Variants in DSP observed in about 807,000 individuals in gnomAD.
DSP encodes the protein desmoplakin.
Under a neutral mutation model 290.6 loss-of-function variants are expected in DSP, and 114 were observed. The observed-to-expected ratio is 0.39, with a 90% CI of 0.34 to 0.46. The LOEUF (loss-of-function observed/expected upper bound fraction) is 0.46, where lower values mean the gene tolerates loss of function less well. Among genes scored for constraint, DSP ranks in the 20% least tolerant of loss-of-function variants. The probability of loss-of-function intolerance (pLI) is 0.99; values close to 1 mark genes in which losing one functional copy is unlikely to be tolerated. For synonymous variants in DSP, 1,311 were observed against 1,316.4 expected (o/e 1.00, Z 0.09); for missense variants, 3,230 against 3,495.8 (o/e 0.92, Z 1.92).
intron 11 of DSP, 147 bp from the exon 12 acceptor site, chr6:7,569,039 G>A: frequency 9.8e-7 from 1 of 1,018,346 alleles, no homozygotes; most frequent in Non-Finnish European, 1.5e-6. Context: ...GTATTGTTGG[G>A]TTGTATGATG....
chr6:7,545,588 A>AG (rs1491527389), intron 1 of DSP, among the ~76,000 whole-genome samples: 1 of 152,196 alleles, frequency 6.6e-6, no homozygotes, highest in African/African-American at 2.4e-5. Flanking sequence ...GTTAAGTGTC[A>AG]GGGGAGATCA....
chr6:7,550,469 A>T (rs962668108), intron 1 of DSP, among the ~76,000 whole-genome samples: 3 of 152,172 alleles, frequency 2.0e-5, no homozygotes, highest in African/African-American at 7.2e-5. Context: ...AAGGTAGTAA[A>T]ATAAAACCTT....
Position 7,565,663 on chromosome 6 carries a change from T to G in DSP, c.939+143T>G. ...TCTTTGAAATGGTCGTGAAAAATCC[T>G]TCCTTCCTGAAAACTTCTCCGTGTG... On this transcript the variant is annotated intron_variant, in intron 7 of 23. Coordinates refer to ENST00000379802, the MANE Select transcript of DSP (RefSeq NM_004415.4). This position sits in a 1 kb window ranked among gnomAD's most constrained non-coding sequence, Gnocchi z 4.2. 1 of 1,182,212 alleles carries G rather than the reference T, an allele frequency of 8.5e-7. No individual in the cohort carries two copies. The highest frequency in any genetic ancestry group is 1.3e-5 in the South Asian group (1 of 74,450). The allele number at this position is 1,182,212 out of a possible 1,614,324, so 73.2% of individuals were successfully genotyped here. A position where few individuals can be genotyped will look rare whatever the true frequency, so the allele number is the denominator to read the frequency against.
In DSP at chr6:7,562,758, T is replaced by C; in HGVS notation, c.704T>C (p.Leu235Pro). ...TCCATCGGCGACTATCGCTGGCAGC[T>C]GGACAAAATCAAAGCCGACCTGGTA... is the stretch of plus-strand genomic sequence containing the variant. ...HNSIGDYRWQ[L>P]DKIKADLREK... The change falls in exon 5 of 24, where the codon CTG becomes CCG. Residue 235 changes from leucine to proline, a missense_variant. By Grantham distance (98) the Leu-to-Pro change is moderately conservative (BLOSUM62 -3). Around this residue, in one of 5 missense-constraint regions of DSP, gnomAD observed 646 missense variants for 684.3 expected, o/e 0.94. Transcript: ENST00000379802. 2.5e-6 allele frequency: 4 copies of C among 1,614,158 alleles called. No homozygotes were observed. Among genetic ancestry groups the C allele is most frequent in the Non-Finnish European group, 3.4e-6 (4 of 1,180,004 alleles).
intron 15 of DSP, among the ~76,000 whole-genome samples, chr6:7,573,577 CAAA>C (rs1328883654): frequency 2.4e-5 from 2 of 84,752 alleles, no homozygotes; most frequent in Non-Finnish European, 2.4e-5. Flanking sequence ...GACTCTGTCT[CAAA>C]AAAAAAAAAA....
At chr6:7,546,352 G>A (rs1758170262) in intron 1 of DSP, among the ~76,000 whole-genome samples, 1 of 152,150 alleles carries the variant, frequency 6.6e-6, no homozygotes, top group Admixed American at 6.5e-5. Context: ...TTAATATACG[G>A]CAGGTAACAT....
Position 7,567,414 on chromosome 6 carries a change from G to C in DSP, c.1105G>C (p.Asp369His). 1 of 1,614,014 alleles carries C rather than the reference G, an allele frequency of 6.2e-7. No individual in the cohort carries two copies. Among genetic ancestry groups the C allele is most frequent in the Non-Finnish European group, 8.5e-7 (1 of 1,180,010 alleles). ...GATTCTTCAGATCACCAAGTGCATT[G>C]ATGTTCATCTGAAAGAAAATGCTGC... Reference protein sequence around the residue: ...SWILQITKCIDVHLKENAAYF... With the variant: ...SWILQITKCIHVHLKENAAYF... Residue 369 changes from aspartate (D) to histidine (H), a missense_variant, in exon 9 of 24, where the codon GAT becomes CAT. Around this residue, in one of 5 missense-constraint regions of DSP, gnomAD observed 646 missense variants for 684.3 expected, o/e 0.94. Transcript: ENST00000379802.
Position 7,585,625 on chromosome 6 carries a change from C to T in DSP, c.8363C>T (p.Ala2788Val), listed in dbSNP as rs748307773. Residue 2788 changes from alanine (A) to valine (V), a missense_variant, in exon 24 of 24, where the codon GCC becomes GTC. Ala to Val is a moderately conservative substitution (Grantham distance 64). Around this residue, in one of 5 missense-constraint regions of DSP, gnomAD observed 582 missense variants for 555.4 expected, o/e 1.05. Coordinates refer to ENST00000379802, the MANE Select transcript of DSP (RefSeq NM_004415.4). ...KTKLKISYKD[A>V]INRSMVEDIT... Reference sequence around the variant, plus strand: ...AAATTAAAAATATCCTATAAGGATGCCATAAATCGCTCCATGGTAGAAGAT... The same window carrying T: ...AAATTAAAAATATCCTATAAGGATGTCATAAATCGCTCCATGGTAGAAGAT... The T allele has an allele frequency of 6.2e-7, 1 of 1,614,198 alleles. No homozygotes were observed. Among genetic ancestry groups the T allele is most frequent in the Non-Finnish European group, 8.5e-7 (1 of 1,180,042 alleles).
rs1019692996 is a variant in DSP at position 7,569,294 on chromosome 6, C to T, written c.1528C>T (p.Leu510=). The stretch of plus-strand genomic sequence containing the variant: ...TGACATGCTTGTTCCCTCTGTGGGG[C>T]TGATCATCCCTCCTCCGAACCCACT... ...GVDMLVPSVG[L]IIPPPNPLAV... The change falls in exon 12 of 24, where the codon CTG becomes TTG. Residue 510 remains leucine (L), a synonymous_variant. Transcript: ENST00000379802. The T allele has an allele frequency of 2.6e-5, 42 of 1,614,020 alleles. No homozygotes were observed. Among genetic ancestry groups the T allele is most frequent in the Middle Eastern group, 1.6e-4 (1 of 6,084 alleles).
Position 7,577,008 on chromosome 6 carries a change from A to C in DSP, c.2843A>C (p.Gln948Pro), listed in dbSNP as rs756208779. 6.2e-7 allele frequency: 1 copy of C among 1,612,730 alleles called. No individual in the cohort carries two copies. Among genetic ancestry groups the C allele is most frequent in the South Asian group, 1.1e-5 (1 of 90,624 alleles). Residue 948 changes from glutamine (Q) to proline (P), a missense_variant, in exon 20 of 24, where the codon CAA (glutamine) becomes CCA (proline). Gln to Pro is a moderately conservative substitution (Grantham distance 76). Transcript: ENST00000379802. The stretch of plus-strand genomic sequence containing the variant: ...AAACGAGACAAATCAGAGGAAGTAC[A>C]AAAAATTGCTGAACTTTGCGCCAAT... ...SGKRDKSEEV[Q>P]KIAELCANSI...
intron 12 of DSP, 109 bp downstream of exon 12, chr6:7,569,449 T>C: frequency 6.5e-7 from 1 of 1,528,852 alleles, no homozygotes; most frequent in South Asian, 1.1e-5. Flanking sequence ...CTTGCCATAA[T>C]AAACACCTTC....
rs375327581 is a variant in DSP at position 7,563,726 on chromosome 6, T to G, written c.727-10T>G. 3.7e-5 allele frequency: 60 copies of G among 1,612,158 alleles called. No homozygotes were observed. Among genetic ancestry groups the G allele is most frequent in the Non-Finnish European group, 4.8e-5 (57 of 1,178,280 alleles). On this transcript the variant is annotated splice_polypyrimidine_tract_variant and intron_variant, in intron 5 of 23. Coordinates refer to ENST00000379802, the MANE Select transcript of DSP (RefSeq NM_004415.4). ...GGATTTATATCTACCTGCTTTTTGT[T>G]GTCTTCTAGCGCGAGAAATCTGCGA...
At chr6:7,551,151 TTTGG>T (rs1758330155) in intron 1 of DSP, among the ~76,000 whole-genome samples, 1 of 152,066 alleles carries the variant, frequency 6.6e-6, no homozygotes, top group East Asian at 1.9e-4. Flanking sequence ...GAAGAATGAG[TTTGG>T]TCATTTCCTA....
Position 7,580,515 on chromosome 6 carries a change from A to T in DSP, c.4325A>T (p.Gln1442Leu). ...AAGGCCACTGGCTCTGAGGTGTCTC[A>T]GAGGAAACAGCAGCTGGAGGTTGAG... Reference protein sequence around the residue: ...QQKATGSEVSQRKQQLEVELR... With the variant: ...QQKATGSEVSLRKQQLEVELR... The change falls in exon 23 of 24, where the codon CAG becomes CTG. Residue 1442 changes from glutamine (Q) to leucine (L), a missense_variant. Physicochemically the swap from Gln to Leu is moderately radical, Grantham distance 113 (BLOSUM62 -2). Coordinates refer to ENST00000379802, the MANE Select transcript of DSP (RefSeq NM_004415.4). The surrounding 1 kb of genome is among the most constrained non-coding windows in gnomAD (Gnocchi z 4.2). The T allele has an allele frequency of 6.2e-7, 1 of 1,614,158 alleles. No homozygotes were observed. Among genetic ancestry groups the T allele is most frequent in the East Asian group, 2.2e-5 (1 of 44,878 alleles).
chr6:7,558,312 C>CT (rs760578023), intron 3 of DSP, 48 bp downstream of exon 3: 1 of 1,588,106 alleles, frequency 6.3e-7, no homozygotes, highest in Non-Finnish European at 8.6e-7. Context: ...AAAAAGAACA[C>CT]CACATAACCA....
Position 7,570,624 on chromosome 6 carries a change from C to T in DSP, c.1701+61C>T. On this transcript the variant is annotated intron_variant, in intron 13 of 23. Transcript: ENST00000379802. ...AGGGCAGCGCTGCCCCCCGCAGTGC[C>T]TGTGTCCAACAGTTCAACCTTCTTG... 2.5e-6 allele frequency: 4 copies of T among 1,607,194 alleles called. No homozygotes were observed. The South Asian group carries it at 4.4e-5, about 18-fold the overall frequency.
At chr6:7,568,092 C>T (rs146636924) in intron 10 of DSP, among the ~76,000 whole-genome samples, 186 bp downstream of exon 10, 48 of 152,306 alleles carry the variant, frequency 3.2e-4, no homozygotes, top group Non-Finnish European at 2.8e-4. Flanking sequence ...CTACTCTTGA[C>T]AGTTACTTTT....
chr6:7,574,541 A>C, intron 16 of DSP, 116 bp from the exon 17 acceptor site: 1 of 1,490,256 alleles, frequency 6.7e-7, no homozygotes, highest in Non-Finnish European at 9.3e-7. Context: ...AAAACAGACA[A>C]AATAAATTTT....
At chr6:7,549,729 T>C (rs1011983845) in intron 1 of DSP, among the ~76,000 whole-genome samples, 1 of 151,956 alleles carries the variant, frequency 6.6e-6, no homozygotes, top group Non-Finnish European at 1.5e-5. Context: ...TACAAGAGCC[T>C]GTGTTGACTG....
Sources: allele counts gnomAD v4.1 joint callset (sites outside exome capture counted in the v4.1 genomes callset), GRCh38; gene constraint gnomAD v4.1.1; regional missense constraint gnomAD v4.1.1; non-coding constraint Gnocchi (gnomAD v3.1); transcripts MANE v1.5; gene names NCBI Gene and HGNC (gene_info 2026-07-23, HGNC 2026-07-21).